The following CNTLN variants were observed in gnomAD, a reference collection of about 807,000 sequenced individuals.
CNTLN encodes the protein centlein, centrosomal protein.
A neutral mutation model predicts 180.0 loss-of-function variants in CNTLN; 212 were observed. The ratio of observed to expected loss-of-function variants is 1.18; its 90% CI spans 1.05 to 1.32. CNTLN has a LOEUF of 1.32. CNTLN is among the 40% of genes most tolerant of loss of function. CNTLN has a pLI of 0.00. For missense variants in CNTLN, 2,095 were observed against 1,610.9 expected, an observed-to-expected ratio of 1.30 and a Z score of -5.14; for synonymous variants, 722 against 563.1, an observed-to-expected ratio of 1.28 and a Z score of -3.99.
At chr9:17,277,005 C>A (rs1418274063) in intron 6 of CNTLN, among the ~76,000 whole-genome samples, 1 of 151,956 alleles carries the variant, frequency 6.6e-6, no homozygotes, top group Non-Finnish European at 1.5e-5. Context: ...ATTTACCTAG[C>A]CATTGCATTA....
chr9:17,150,785 T>C (rs750196466), intron 2 of CNTLN, among the ~76,000 whole-genome samples: 7 of 152,216 alleles, frequency 4.6e-5, no homozygotes, highest in Non-Finnish European at 8.8e-5. Flanking sequence ...TCCGTGAGCA[T>C]GGAATTTTTT....
At chr9:17,151,010 T>G (rs1235123328) in intron 2 of CNTLN, among the ~76,000 whole-genome samples, 1 of 152,212 alleles carries the variant, frequency 6.6e-6, no homozygotes, top group African/African-American at 2.4e-5. Context: ...TCCTGAGACT[T>G]TGCTGAAGTT....
chr9:17,332,310 T>C (rs1820698444), intron 9 of CNTLN, among the ~76,000 whole-genome samples: 1 of 152,052 alleles, frequency 6.6e-6, no homozygotes, highest in Non-Finnish European at 1.5e-5. Context: ...TCCTTTGTAA[T>C]GAGGTTTCTT....
intron 2 of CNTLN, 36 bp from the exon 3 acceptor site, chr9:17,226,167 G>T: frequency 8.9e-7 from 1 of 1,117,770 alleles, no homozygotes; most frequent in South Asian, 1.5e-5. Flanking sequence ...TTAGCTACCA[G>T]TTATGACTAA....
At chr9:17,290,804 G>C (rs531600145) in intron 6 of CNTLN, among the ~76,000 whole-genome samples, 6 of 152,028 alleles carry the variant, frequency 3.9e-5, no homozygotes, top group African/African-American at 1.4e-4. Flanking sequence ...TCTTTGACTC[G>C]GAAAGGGAAC....
intron 10 of CNTLN, among the ~76,000 whole-genome samples, chr9:17,340,038 T>A (rs2133198491): frequency 6.6e-6 from 1 of 152,180 alleles, no homozygotes; most frequent in South Asian, 2.1e-4. Context: ...ATGCCTGTAG[T>A]CCTAGCTACT....
chr9:17,472,878 C>T (rs527525657), intron 23 of CNTLN, among the ~76,000 whole-genome samples: 1 of 152,248 alleles, frequency 6.6e-6, no homozygotes, highest in South Asian at 2.1e-4. Context: ...CTGATCGTAA[C>T]TCAAATTCAC....
At chr9:17,264,762 T>G (rs942328215) in intron 5 of CNTLN, among the ~76,000 whole-genome samples, 1 of 152,132 alleles carries the variant, frequency 6.6e-6, no homozygotes, top group South Asian at 2.1e-4. Flanking sequence ...TCACATCCCT[T>G]GTAATTTGGA....
chr9:17,230,473 C>A (rs1824742084), intron 3 of CNTLN, among the ~76,000 whole-genome samples: 1 of 151,838 alleles, frequency 6.6e-6, no homozygotes, highest in Non-Finnish European at 1.5e-5. Flanking sequence ...CTGTGACCTT[C>A]AAAAGTGCTT....
rs1313773669 is a variant in CNTLN, at chr9:17,273,861, G to C, written c.978G>C (p.Leu326=). 3 of 1,545,078 alleles carry C rather than the reference G, an allele frequency of 1.9e-6. No homozygotes were observed. The South Asian group carries it at 3.8e-5, about 19-fold the overall frequency. The stretch of plus-strand genomic sequence containing the variant: ...TCCAGAAGGATATGGATATTACCCT[G>C]GTCAGGCAAGTATATTCAATTTTTA... ...ELIQKDMDIT[L]VRKELQELQN... The change falls in exon 6 of 26, where the codon CTG becomes CTC. Residue 326 remains leucine (L), a synonymous_variant. Transcript: ENST00000380647.
chr9:17,144,795 T>C lies in CNTLN; in HGVS notation c.449+1419T>C, dbSNP rs986112553. On this transcript the variant is annotated intron_variant, in intron 2 of 25. Coordinates refer to ENST00000380647, the MANE Select transcript of CNTLN (RefSeq NM_017738.4). The stretch of plus-strand genomic sequence containing the variant: ...GTCAAAATTTAGTGTGCACAAGTTA[T>C]ACTTGGAGAATTTATTTATTTATTT... Among the ~76,000 whole-genome samples, 4 of 151,236 alleles carry C rather than the reference T, an allele frequency of 2.6e-5. No homozygotes were observed. In the South Asian group the frequency reaches 6.2e-4, roughly 23 times the overall value.
intron 2 of CNTLN, among the ~76,000 whole-genome samples, chr9:17,209,359 C>G (rs1823130047): frequency 6.6e-6 from 1 of 151,924 alleles, no homozygotes; most frequent in Non-Finnish European, 1.5e-5. Flanking sequence ...GATAATGATC[C>G]ATGTGCTGAG....
chr9:17,446,465 C>G (rs1354097978), intron 18 of CNTLN, among the ~76,000 whole-genome samples: 1 of 152,150 alleles, frequency 6.6e-6, no homozygotes, highest in East Asian at 1.9e-4. Flanking sequence ...TAGCCTTTGA[C>G]TCTATAACCC....
intron 5 of CNTLN, among the ~76,000 whole-genome samples, chr9:17,267,051 G>A (rs543738853): frequency 1.7e-4 from 26 of 152,054 alleles, no homozygotes; most frequent in East Asian, 5.8e-4. Context: ...TAAAGTTAAT[G>A]TTGTTATGTG....
At chr9:17,442,174 A>G (rs1035022250) in intron 18 of CNTLN, among the ~76,000 whole-genome samples, 5 of 152,192 alleles carry the variant, frequency 3.3e-5, no homozygotes, top group Non-Finnish European at 7.3e-5. Flanking sequence ...AATTGAACCT[A>G]ACAGATATGT....
intron 2 of CNTLN, among the ~76,000 whole-genome samples, chr9:17,191,839 T>A (rs1453036583): frequency 1.3e-5 from 2 of 152,058 alleles, no homozygotes; most frequent in African/African-American, 4.8e-5. Flanking sequence ...AAAACATGAA[T>A]TTTATTGTGA....
At chr9:17,229,624 G>T (rs1701179420) in intron 3 of CNTLN, among the ~76,000 whole-genome samples, 1 of 152,016 alleles carries the variant, frequency 6.6e-6, no homozygotes, top group Non-Finnish European at 1.5e-5. Flanking sequence ...ATTGGATGAG[G>T]CCAGCCCACA....
intron 2 of CNTLN, among the ~76,000 whole-genome samples, chr9:17,211,156 C>A (rs1823274681): frequency 6.6e-6 from 1 of 152,120 alleles, no homozygotes; most frequent in Non-Finnish European, 1.5e-5. Flanking sequence ...ATGGTATTGC[C>A]TAGGTTTTCT....
At chr9:17,151,874 C>T (rs940357263) in intron 2 of CNTLN, among the ~76,000 whole-genome samples, 3 of 152,090 alleles carry the variant, frequency 2.0e-5, no homozygotes, top group African/African-American at 7.2e-5. Flanking sequence ...CGATTTCTTC[C>T]TGTCTTGGAA....
Sources: gnomAD v4.1 joint callset for allele counts (sites outside exome capture counted in the v4.1 genomes callset) on GRCh38, gnomAD v4.1.1 for gene constraint, MANE v1.5 for transcripts, NCBI Gene and HGNC (gene_info 2026-07-23, HGNC 2026-07-21) for gene names.